The following RP2 variants were observed in gnomAD, a reference collection of about 807,000 sequenced individuals.
RP2 encodes the protein RP2 activator of ARL3 GTPase.
In RP2, 3 loss-of-function variants were observed where a neutral mutation model predicts 20.3. The ratio of observed to expected loss-of-function variants is 0.15; its 90% CI spans 0.07 to 0.38. The LOEUF (loss-of-function observed/expected upper bound fraction) is 0.38, where lower values mean the gene tolerates loss of function less well. Among genes scored for constraint, RP2 ranks in the 10% least tolerant of loss-of-function variants. The pLI is 1.00. For synonymous variants in RP2, 75 were observed against 94.8 expected, an observed-to-expected ratio of 0.79 and a Z score of 1.22; for missense variants, 233 against 268.5, an observed-to-expected ratio of 0.87 and a Z score of 0.92.
chrX:46,847,122 C>T (rs1425961795), intron 1 of RP2, among the ~76,000 whole-genome samples: 3 of 111,860 alleles, frequency 2.7e-5, no homozygotes, highest in Non-Finnish European at 3.8e-5. Context: ...TTGTATTTAC[C>T]TAAATGTTGA....
At chrX:46,845,386 G>A (rs1924699203) in intron 1 of RP2, among the ~76,000 whole-genome samples, 1 of 112,239 alleles carries the variant, frequency 8.9e-6, no homozygotes, top group Non-Finnish European at 1.9e-5. Context: ...CAGCTACATA[G>A]CTATCTAGCC....
chrX:46,858,956 G>C (rs1316843080), intron 2 of RP2, among the ~76,000 whole-genome samples: 3 of 111,364 alleles, frequency 2.7e-5, no homozygotes, highest in Non-Finnish European at 5.7e-5. Context: ...GATTAACTAG[G>C]TTTGAATCAC....
At position 46,849,079 on chromosome X, in the gene RP2, A is replaced by G. The variant is rs182504327; in HGVS notation, c.103-4397A>G. Among the ~76,000 whole-genome samples, 510 of 111,622 alleles carry G rather than the reference A, an allele frequency of 4.6e-3. 2 individuals carry two copies. The highest frequency in any genetic ancestry group is 0.016 in the African/African-American group (491 of 30,739). ...TAAACTCACTTCATAAGTGGCTCTT[A>G]GGAAAAAATAATTTAAAACATGACC... On this transcript the variant is annotated intron_variant, in intron 1 of 4. Coordinates refer to ENST00000218340, the MANE Select transcript of RP2 (RefSeq NM_006915.3).
At chrX:46,865,821 G>A (rs1040747397) in intron 3 of RP2, among the ~76,000 whole-genome samples, 3 of 110,248 alleles carry the variant, frequency 2.7e-5, no homozygotes, top group Admixed American at 1.9e-4. Flanking sequence ...CCAGCTACTC[G>A]GGAGGCTGAG....
At chrX:46,867,023 G>T (rs782351826) in intron 3 of RP2, among the ~76,000 whole-genome samples, 1 of 111,774 alleles carries the variant, frequency 8.9e-6, no homozygotes, top group African/African-American at 3.2e-5. Flanking sequence ...TAGCCTTTTG[G>T]GTCTGGCTTC....
chrX:46,876,001 C>G (rs965237366), intron 3 of RP2, among the ~76,000 whole-genome samples: 1 of 111,731 alleles, frequency 9.0e-6, no homozygotes. Flanking sequence ...TTAAGCTTTT[C>G]TTTTGTAAGG....
intron 1 of RP2, among the ~76,000 whole-genome samples, chrX:46,844,622 A>G (rs1160853983): frequency 1.8e-5 from 2 of 111,263 alleles, no homozygotes; most frequent in African/African-American, 6.5e-5. Context: ...TATTGTGAAT[A>G]GTGCCGCAAT....
intron 2 of RP2, 103 bp from the exon 3 acceptor site, chrX:46,859,885 T>C: frequency 1.8e-6 from 1 of 567,590 alleles, no homozygotes; most frequent in Admixed American, 2.8e-5. Flanking sequence ...CAAAAATCAG[T>C]GTGCTGTTGT....
intron 3 of RP2, among the ~76,000 whole-genome samples, chrX:46,870,594 C>T (rs1238146616): frequency 9.0e-6 from 1 of 111,656 alleles, no homozygotes; most frequent in Non-Finnish European, 1.9e-5. Context: ...ACAAAAAGCA[C>T]AAAAATGTGA....
At chrX:46,873,462 G>A (rs1925324226) in intron 3 of RP2, among the ~76,000 whole-genome samples, 1 of 112,378 alleles carries the variant, frequency 8.9e-6, no homozygotes, top group South Asian at 3.7e-4. Flanking sequence ...TCATTAGATA[G>A]AGGGACAAAT....
intron 2 of RP2, 134 bp downstream of exon 2, chrX:46,854,275 C>G (rs1924917536): frequency 5.1e-6 from 3 of 584,632 alleles, no homozygotes; most frequent in Middle Eastern, 5.1e-4. Flanking sequence ...GCCACCACCC[C>G]CTCTCCCAAC....
At chrX:46,870,238 G>A (rs782233429) in intron 3 of RP2, among the ~76,000 whole-genome samples, 1 of 110,866 alleles carries the variant, frequency 9.0e-6, no homozygotes, top group African/African-American at 3.3e-5. Context: ...CTCGCAAGGA[G>A]CTAGGACTAC....
intron 1 of RP2, among the ~76,000 whole-genome samples, chrX:46,843,804 T>G (rs1457419216): frequency 9.0e-6 from 1 of 111,512 alleles, no homozygotes; most frequent in Non-Finnish European, 1.9e-5. Flanking sequence ...GATACTGGTC[T>G]TGAGCTTATA....
chrX:46,847,779 C>CATACACACATGTGTGTGTGTATATAT (rs1250171163), intron 1 of RP2, among the ~76,000 whole-genome samples: 5 of 81,980 alleles, frequency 6.1e-5, no homozygotes, highest in Non-Finnish European at 9.4e-5. Flanking sequence ...TGTGTGTGTA[C>CATACACACATGTGTGTGTGTATATAT]ATACACACAT....
Position 46,861,581 on chromosome X carries a change from A to AC in RP2, c.883+1483dup, listed in dbSNP as rs782216716. On this transcript the variant is annotated intron_variant, in intron 3 of 4. Coordinates refer to ENST00000218340, the MANE Select transcript of RP2 (RefSeq NM_006915.3). The stretch of plus-strand genomic sequence containing the variant: ...ATACTGGGACTGGATGTAGTGCCGA[A>AC]CCCCTGTAATCCCAGCATTTTGGGA... Among the ~76,000 whole-genome samples, 300 of 111,867 alleles carry AC rather than the reference A, an allele frequency of 2.7e-3. 2 individuals are homozygous for AC. The highest frequency in any genetic ancestry group is 9.4e-3 in the African/African-American group (290 of 30,834).
chrX:46,868,272 C>G (rs781912597), intron 3 of RP2, among the ~76,000 whole-genome samples: 1 of 111,418 alleles, frequency 9.0e-6, no homozygotes, highest in South Asian at 3.8e-4. Context: ...TGCCTGTAAT[C>G]CCAACACTTT....
At chrX:46,839,955 T>C (rs1556314430) in intron 1 of RP2, among the ~76,000 whole-genome samples, 3 of 111,931 alleles carry the variant, frequency 2.7e-5, no homozygotes, top group Non-Finnish European at 5.6e-5. Context: ...TTCCTTAGGT[T>C]GTGTAATCAG....
chrX:46,877,438 T>C, intron 3 of RP2, 67 bp from the exon 4 acceptor site: 1 of 798,148 alleles, frequency 1.3e-6, no homozygotes, highest in African/African-American at 2.0e-5. Flanking sequence ...CAGGGAAGAA[T>C]AAAAAGATTA....
intron 3 of RP2, among the ~76,000 whole-genome samples, chrX:46,862,806 C>T (rs891166683): frequency 8.9e-6 from 1 of 112,335 alleles, no homozygotes; most frequent in South Asian, 3.6e-4. Flanking sequence ...GACAGCCTAA[C>T]GTGTTATTTG....
Sources: gnomAD v4.1 joint callset for allele counts (sites outside exome capture counted in the v4.1 genomes callset) on GRCh38, gnomAD v4.1.1 for gene constraint, MANE v1.5 for transcripts, NCBI Gene and HGNC (gene_info 2026-07-23, HGNC 2026-07-21) for gene names.